Variants in PTPRT observed in about 807,000 individuals in gnomAD.
PTPRT encodes the protein receptor-type tyrosine-protein phosphatase T.
PTPRT carries 56 observed loss-of-function variants against 176.8 expected under a neutral mutation model. The observed-to-expected ratio is 0.32, with a 90% CI of 0.26 to 0.40. The LOEUF is 0.40. Ranked by LOEUF, PTPRT falls within the 10% of genes least tolerant of loss-of-function variation. The pLI is 1.00. For missense variants in PTPRT, 1,540 were observed against 1,908.2 expected, an observed-to-expected ratio of 0.81 and a Z score of 3.60; for synonymous variants, 783 against 739.0, an observed-to-expected ratio of 1.06 and a Z score of -0.96.
At chr20:42,491,806 C>T (rs928000615) in intron 7 of PTPRT, among the ~76,000 whole-genome samples, 2 of 152,162 alleles carry the variant, frequency 1.3e-5, no homozygotes, top group African/African-American at 4.8e-5. Flanking sequence ...GACTAAGACA[C>T]TTATGCTATC....
intron 26 of PTPRT, among the ~76,000 whole-genome samples, chr20:42,099,117 G>A (rs933090546): frequency 6.6e-6 from 1 of 152,242 alleles, no homozygotes; most frequent in African/African-American, 2.4e-5. Flanking sequence ...TGGGGTTCAA[G>A]TACAGCTTTA....
intron 13 of PTPRT, among the ~76,000 whole-genome samples, chr20:42,259,198 C>T (rs2056702318): frequency 1.3e-5 from 2 of 152,212 alleles, no homozygotes; most frequent in Admixed American, 6.5e-5. Flanking sequence ...ACTGTAAATG[C>T]TCTGTGTAGG....
At chr20:42,744,383 A>G (rs2076659516) in intron 6 of PTPRT, among the ~76,000 whole-genome samples, 1 of 152,230 alleles carries the variant, frequency 6.6e-6, no homozygotes. Flanking sequence ...AAAAATCTTC[A>G]AAAACAATCA....
intron 1 of PTPRT, among the ~76,000 whole-genome samples, chr20:43,182,507 C>G (rs892719940): frequency 2.6e-5 from 4 of 152,050 alleles, no homozygotes; most frequent in African/African-American, 9.7e-5. Context: ...TCTCATCCCT[C>G]AGCCACCCAA....
At chr20:42,461,684 ACTTT>A (rs1211941634) in intron 8 of PTPRT, among the ~76,000 whole-genome samples, 3 of 152,242 alleles carry the variant, frequency 2.0e-5, no homozygotes, top group African/African-American at 7.2e-5. Flanking sequence ...AGAGGATCTG[ACTTT>A]CTGAGTAATG....
chr20:42,888,026 C>T (rs1316432585), intron 1 of PTPRT, among the ~76,000 whole-genome samples: 1 of 152,160 alleles, frequency 6.6e-6, no homozygotes, highest in Admixed American at 6.5e-5. Context: ...AGTACCAAAT[C>T]TGCTATCACC....
chr20:42,287,956 A>G (rs575928284), intron 12 of PTPRT, among the ~76,000 whole-genome samples: 2 of 152,114 alleles, frequency 1.3e-5, no homozygotes, highest in East Asian at 3.9e-4. Context: ...GGGCCATGTA[A>G]TAACATGGGA....
intron 2 of PTPRT, among the ~76,000 whole-genome samples, chr20:42,844,950 T>A (rs767626072): frequency 2.5e-4 from 38 of 152,120 alleles, no homozygotes; most frequent in Admixed American, 6.5e-4. Flanking sequence ...AATGTGACAA[T>A]AGAGTTTGCG....
chr20:42,462,994 C>A (rs145841469), intron 8 of PTPRT, among the ~76,000 whole-genome samples: 217 of 152,266 alleles, frequency 1.4e-3, no homozygotes, highest in African/African-American at 5.1e-3. Flanking sequence ...CAAATCACCC[C>A]TTTCTTCTAT....
rs2058457826 is a variant in PTPRT at position 42,363,273 on chromosome 20, TA to T, written c.1561-10989del. On this transcript the variant is annotated intron_variant, in intron 9 of 30. Transcript: ENST00000373187. ...TTCTTGCAGCAATTTATTACAATTA[TA>T]TATATATATATATATATATATATAT... Among the ~76,000 whole-genome samples, 14 of 15,868 alleles carry T rather than the reference TA, an allele frequency of 8.8e-4. 1 individual carries two copies. Among genetic ancestry groups the T allele is most frequent in the South Asian group, 7.0e-3 (2 of 284 alleles). The allele number at this position is 15,868 out of a possible 152,430, so 10.4% of individuals were successfully genotyped here. A position where few individuals can be genotyped will look rare whatever the true frequency, so the allele number is the denominator to read the frequency against.
intron 16 of PTPRT, among the ~76,000 whole-genome samples, chr20:42,179,987 A>G (rs769356800): frequency 6.6e-6 from 1 of 152,204 alleles, no homozygotes; most frequent in African/African-American, 2.4e-5. Flanking sequence ...CCAAGGACAG[A>G]TCCTGGATGC....
chr20:42,737,534 G>C (rs1284559621), intron 6 of PTPRT, among the ~76,000 whole-genome samples: 1 of 152,028 alleles, frequency 6.6e-6, no homozygotes, highest in Admixed American at 6.6e-5. Flanking sequence ...GGGAGGCTGA[G>C]GCAGGGAGAA....
At chr20:42,593,737 C>T (rs1251203783) in intron 7 of PTPRT, among the ~76,000 whole-genome samples, 1 of 152,098 alleles carries the variant, frequency 6.6e-6, no homozygotes, top group East Asian at 1.9e-4. Context: ...GAATCCAGTA[C>T]CAGGAAGGGA....
At chr20:42,699,986 C>A (rs1415834924) in intron 6 of PTPRT, among the ~76,000 whole-genome samples, 2 of 152,292 alleles carry the variant, frequency 1.3e-5, no homozygotes, top group East Asian at 1.9e-4. Context: ...ACCTACCCAT[C>A]TTTCCAGGTC....
chr20:42,809,730 G>A (rs1030897376), intron 2 of PTPRT, among the ~76,000 whole-genome samples: 9 of 152,182 alleles, frequency 5.9e-5, no homozygotes, highest in African/African-American at 2.2e-4. Flanking sequence ...CTCATGCCTC[G>A]CATTTCAAAT....
At chr20:42,835,046 CA>C (rs1222183350) in intron 2 of PTPRT, among the ~76,000 whole-genome samples, 2 of 151,950 alleles carry the variant, frequency 1.3e-5, no homozygotes, top group African/African-American at 4.8e-5. Flanking sequence ...AAACCCCACA[CA>C]AAAAAAGAAC....
At position 42,582,620 on chromosome 20, in the gene PTPRT, T is replaced by C; in HGVS notation, c.1153+95246A>G. Among the ~76,000 whole-genome samples the C allele has an allele frequency of 1.3e-5, 2 of 152,188 alleles. 1 individual carries two copies. Among genetic ancestry groups the C allele is most frequent in the Non-Finnish European group, 2.9e-5 (2 of 68,034 alleles). On this transcript the variant is annotated intron_variant, in intron 7 of 30. Transcript: ENST00000373187. ...AAAAAGAGGTTACCTTTTCAAAATT[T>C]GCACAGAGACTCCCCAAACTCTGGC...
intron 7 of PTPRT, among the ~76,000 whole-genome samples, chr20:42,600,121 T>C (rs921154633): frequency 6.6e-6 from 1 of 151,664 alleles, no homozygotes. Context: ...ATTTTGGTTT[T>C]TGTTGTTGTT....
chr20:42,664,499 CT>C (rs1237315301), intron 7 of PTPRT, among the ~76,000 whole-genome samples: 1 of 152,004 alleles, frequency 6.6e-6, no homozygotes, highest in African/African-American at 2.4e-5. Flanking sequence ...CTAGTTTTGC[CT>C]TTTAAGTTTT....
Sources: allele counts gnomAD v4.1 joint callset (sites outside exome capture counted in the v4.1 genomes callset), GRCh38; gene constraint gnomAD v4.1.1; transcripts MANE v1.5; gene names NCBI Gene and HGNC (gene_info 2026-07-23, HGNC 2026-07-21).